The following FRMD1 variants were observed in gnomAD, a reference collection of about 807,000 sequenced individuals.
FRMD1 encodes FERM domain containing 1.
Under a neutral mutation model 54.9 loss-of-function variants are expected in FRMD1, and 51 were observed. The ratio of observed to expected loss-of-function variants is 0.93; its 90% CI spans 0.74 to 1.17. The LOEUF (loss-of-function observed/expected upper bound fraction) is 1.17. Ranked by LOEUF, FRMD1 falls within the 50% of genes most tolerant of loss-of-function variation. FRMD1 has a pLI of 0.00. For missense variants in FRMD1, 729 were observed against 743.0 expected, an observed-to-expected ratio of 0.98 and a Z score of 0.22; for synonymous variants, 324 against 306.4, an observed-to-expected ratio of 1.06 and a Z score of -0.60.
upstream of FRMD1, among the ~76,000 whole-genome samples, chr6:168,082,233 C>T (rs1323534183): frequency 1.3e-5 from 2 of 152,248 alleles, no homozygotes; most frequent in South Asian, 4.1e-4. Flanking sequence ...AGGCGAGGCC[C>T]TTTACCGACT....
At chr6:168,082,678 G>C (rs902367572), upstream of FRMD1, among the ~76,000 whole-genome samples, 1 of 152,146 alleles carries the variant, frequency 6.6e-6, no homozygotes, top group Admixed American at 6.5e-5. Flanking sequence ...CCACCGCAAA[G>C]CTCCTCCCCG....
At chr6:168,070,332 G>T (rs1407977037) in intron 2 of FRMD1, among the ~76,000 whole-genome samples, 5 of 104,296 alleles carry the variant, frequency 4.8e-5, no homozygotes, top group Admixed American at 1.1e-4. Flanking sequence ...AGGAAGGAAA[G>T]AAAGAAGGAA....
Position 168,061,041 on chromosome 6 carries a change from C to T in FRMD1, c.1062G>A (p.Arg354=). ...REEAEEKQHY[R]ESYISDELEL... ...CCAGCTCATCGCTGATATAGGACTC[C>T]CGGTAGTGCTGCTTCTCTGTGGGGA... is the stretch of plus-strand genomic sequence containing the variant. The change falls in exon 9 of 11, where the codon CGG becomes CGA. Residue 354 remains arginine, a synonymous_variant. Transcript: ENST00000283309. 1 of 1,608,796 alleles carries T rather than the reference C, an allele frequency of 6.2e-7. No homozygotes were observed.
chr6:168,073,771 C>T (rs1482672875), intron 2 of FRMD1, among the ~76,000 whole-genome samples: 1 of 152,154 alleles, frequency 6.6e-6, no homozygotes, highest in African/African-American at 2.4e-5. Flanking sequence ...GCTCCCTTCA[C>T]AGCCCCTGAC....
rs79168040 is a variant in FRMD1 at position 168,088,260 on chromosome 6, G to A, written c.-11-9236C>T. 9.0e-3 allele frequency among the ~76,000 whole-genome samples: 1,374 copies of A among 152,302 alleles called. 23 individuals carry two copies. Among genetic ancestry groups the A allele is most frequent in the African/African-American group, 0.032 (1,314 of 41,566 alleles). On this transcript the variant is annotated intron_variant, in intron 1 of 12. Transcript: ENST00000644440. The stretch of plus-strand genomic sequence containing the variant: ...CGAAGACTGCAGCCACCACCCTCCC[G>A]CCGTCACCTGCCCCTGCTGGGAGGC...
rs1016840993 is a variant in FRMD1, at chr6:168,055,494, T to C, written c.*1603A>G. 6.6e-6 allele frequency: 1 copy of C among 152,256 alleles called. No individual in the cohort carries two copies. The highest frequency in any genetic ancestry group is 2.4e-5 in the African/African-American group (1 of 41,460). The allele number at this position is 152,256 out of a possible 1,614,324, so 9.4% of individuals were successfully genotyped here. ...CAACACTGGTGTGTACCTTCCCTCA[T>C]GGTCCATGGGACTGGGCTCTTGCTT... On this transcript the variant is annotated 3_prime_UTR_variant, in exon 11 of 11. Transcript: ENST00000283309.
At chr6:168,082,685 C>G (rs940850010), upstream of FRMD1, among the ~76,000 whole-genome samples, 2 of 152,180 alleles carry the variant, frequency 1.3e-5, no homozygotes, top group Admixed American at 1.3e-4. Context: ...AAAGCTCCTC[C>G]CCGAATCTAC....
At chr6:168,058,571 G>T (rs1268367376) in intron 10 of FRMD1, among the ~76,000 whole-genome samples, 3 of 151,664 alleles carry the variant, frequency 2.0e-5, no homozygotes, top group African/African-American at 7.3e-5. Flanking sequence ...GGGTTGGGGG[G>T]TGGGGAGGGC....
intron 4 of FRMD1, chr6:168,066,267 G>C: frequency 4.3e-6 from 4 of 940,170 alleles, no homozygotes; most frequent in Non-Finnish European, 5.1e-6. Flanking sequence ...GGGAGGTCGA[G>C]GCGGGTGGAT....
chr6:168,069,516 A>G (rs1475561297), intron 2 of FRMD1, among the ~76,000 whole-genome samples: 1 of 152,204 alleles, frequency 6.6e-6, no homozygotes, highest in African/African-American at 2.4e-5. Flanking sequence ...TTGCAGCATG[A>G]GTGGCAGATG....
Position 168,057,307 on chromosome 6 carries a change from C to T in FRMD1, c.1440G>A (p.Glu480=). Residue 480 remains glutamate, a synonymous_variant, in exon 11 of 11, where the codon GAG becomes GAA. Transcript: ENST00000283309. ...IQEMTAGVSE[E]QHSHGLDDMQ... is the part of the protein sequence containing the mutation. ...TGTCGTCCAGGCCATGGCTGTGCTG[C>T]TCCTCACTGACCCCGGCTGTCATTT... 2.5e-6 allele frequency: 4 copies of T among 1,612,014 alleles called. No homozygotes were observed. Among genetic ancestry groups the T allele is most frequent in the Non-Finnish European group, 3.4e-6 (4 of 1,179,778 alleles).
In FRMD1 at chr6:168,060,843, C is replaced by A. The variant is rs1353419197; in HGVS notation, c.1260G>T (p.Glu420Asp). The change falls in exon 9 of 11, where the codon GAG (glutamate) becomes GAT (aspartate). Residue 420 changes from glutamate to aspartate, a missense_variant. By Grantham distance (45) the Glu-to-Asp change is conservative. Coordinates refer to ENST00000283309, the MANE Select transcript of FRMD1 (RefSeq NM_024919.6). ...GCTCCTTCTCATGGAGCCCGTGGAC[C>A]TCCAAGGGCACGTCCACAGACATCT... is the stretch of plus-strand genomic sequence containing the variant. ...SREMSVDVPL[E>D]VHGLHEKEPS... 1 of 1,613,572 alleles carries A rather than the reference C, an allele frequency of 6.2e-7. No individual in the cohort carries two copies. The highest frequency in any genetic ancestry group is 1.3e-5 in the African/African-American group (1 of 74,944).
chr6:168,088,008 C>T (rs1042211870), intron 1 of FRMD1, among the ~76,000 whole-genome samples: 1 of 152,210 alleles, frequency 6.6e-6, no homozygotes, highest in Non-Finnish European at 1.5e-5. Context: ...GTGCTCCCAG[C>T]AGGGCCTCTC....
At chr6:168,086,197 G>A (rs73030352), upstream of FRMD1, among the ~76,000 whole-genome samples, 4,218 of 152,002 alleles carry the variant, frequency 0.028, 67 homozygotes, top group East Asian at 0.055. Context: ...CATTCCCAGT[G>A]TGGACACTGC....
intron 1 of FRMD1, among the ~76,000 whole-genome samples, chr6:168,087,170 G>T (rs1156905330): frequency 6.6e-6 from 1 of 151,942 alleles, no homozygotes; most frequent in Non-Finnish European, 1.5e-5. Flanking sequence ...TGGCTCAAGC[G>T]ATTCTCCCAT....
intron 1 of FRMD1, chr6:168,075,838 T>C (rs1294372756): frequency 6.5e-7 from 1 of 1,535,390 alleles, no homozygotes. Context: ...TGCGTGTCCC[T>C]GTTTCCGGCG....
intron 1 of FRMD1, among the ~76,000 whole-genome samples, chr6:168,077,275 CT>C (rs1800637658): frequency 1.6e-5 from 2 of 123,146 alleles, no homozygotes; most frequent in Non-Finnish European, 2.0e-5. Flanking sequence ...TGTGCACACA[CT>C]CCGATGGGGG....
chr6:168,060,924 G>C lies in FRMD1; in HGVS notation c.1179C>G (p.His393Gln). 6.2e-7 allele frequency: 1 copy of C among 1,613,788 alleles called. No individual in the cohort carries two copies. The highest frequency in any genetic ancestry group is 8.5e-7 in the Non-Finnish European group (1 of 1,180,040). The change falls in exon 9 of 11, where the codon CAC becomes CAG. Residue 393 changes from histidine (H) to glutamine (Q), a missense_variant. Physicochemically the swap from His to Gln is conservative, Grantham distance 24. Transcript: ENST00000283309. ...HCLSRHSADS[H>Q]GSSYTSGIKA... Reference sequence around the variant, plus strand: ...TGATGCCTGACGTGTAGGAACTGCCGTGGCTGTCGGCGGAGTGGCGTGAGA... The same window carrying C: ...TGATGCCTGACGTGTAGGAACTGCCCTGGCTGTCGGCGGAGTGGCGTGAGA...
chr6:168,057,816 G>A (rs1326749782), intron 10 of FRMD1: 1 of 176,514 alleles, frequency 5.7e-6, no homozygotes, highest in Non-Finnish European at 1.2e-5. Context: ...TCCAGCCCGA[G>A]CTTCTCGGCT....
Sources: gnomAD v4.1 joint callset for allele counts (sites outside exome capture counted in the v4.1 genomes callset) on GRCh38, gnomAD v4.1.1 for gene constraint, MANE v1.5 for transcripts, NCBI Gene and HGNC (gene_info 2026-07-23, HGNC 2026-07-21) for gene names.